Variants in NALCN observed in about 807,000 individuals in gnomAD.
The protein encoded by NALCN is sodium leak channel NALCN.
In NALCN, 111 loss-of-function variants were observed where a neutral mutation model predicts 225.3. The observed-to-expected ratio is 0.49, with a 90% confidence interval of 0.42 to 0.58. The LOEUF (loss-of-function observed/expected upper bound fraction) is 0.58, where lower values mean the gene tolerates loss of function less well. NALCN is among the 20% of genes least tolerant of loss of function. The probability of loss-of-function intolerance (pLI) is 0.00; values close to 1 mark genes in which losing one functional copy is unlikely to be tolerated. For synonymous variants in NALCN, 764 were observed against 769.0 expected (o/e 0.99, Z 0.11); for missense variants, 1,378 against 2,202.4 (o/e 0.63, Z 7.49).
At chr13:101,349,187 A>G (rs2045834118) in intron 6 of NALCN, among the ~76,000 whole-genome samples, 1 of 152,182 alleles carries the variant, frequency 6.6e-6, no homozygotes, top group Non-Finnish European at 1.5e-5. Context: ...TGAATAAAGT[A>G]TCTACTTGTA....
rs973573091 is a variant in NALCN, at chr13:101,287,568, C to T, written c.1048-3549G>A. ...GTATTATTATGAAAATTAAATAAGA[C>T]AGTTTGTAAAGCCATTAGACTAGTG... On this transcript the variant is annotated intron_variant, in intron 9 of 43. Coordinates refer to ENST00000251127, the MANE Select transcript of NALCN (RefSeq NM_052867.4). Among the ~76,000 whole-genome samples, 6 of 152,138 alleles carry T rather than the reference C, an allele frequency of 3.9e-5. No homozygotes were observed. The East Asian group carries it at 1.2e-3, about 29-fold the overall frequency.
intron 11 of NALCN, among the ~76,000 whole-genome samples, chr13:101,249,887 A>T (rs774029523): frequency 3.0e-4 from 46 of 152,136 alleles, no homozygotes; most frequent in Non-Finnish European, 5.9e-4. Context: ...AGAGACCCAC[A>T]CCCGGATAAT....
intron 6 of NALCN, among the ~76,000 whole-genome samples, chr13:101,345,755 T>TATATAA (rs2045703450): frequency 1.5e-5 from 2 of 129,764 alleles, no homozygotes; most frequent in African/African-American, 6.5e-5. Flanking sequence ...TATATATATA[T>TATATAA]ATATATATAT....
intron 6 of NALCN, among the ~76,000 whole-genome samples, chr13:101,360,262 A>T (rs1279165457): frequency 8.9e-6 from 1 of 112,904 alleles, no homozygotes; most frequent in Non-Finnish European, 1.7e-5. Flanking sequence ...ATGGAGTTTC[A>T]CTCTGTGACC....
chr13:101,278,702 A>C (rs916867807), intron 10 of NALCN, among the ~76,000 whole-genome samples: 1 of 152,156 alleles, frequency 6.6e-6, no homozygotes, highest in Non-Finnish European at 1.5e-5. Flanking sequence ...CTCTGCCACC[A>C]CATATTAGAG....
chr13:101,116,516 C>T (rs758427490), intron 18 of NALCN: 6 of 516,820 alleles, frequency 1.2e-5, no homozygotes, highest in South Asian at 4.2e-5. Flanking sequence ...CAGGGGGTCC[C>T]CGGTTCTTTT....
chr13:101,196,510 TTTCTAATACAGGGGCAGAGAATTATTCC>T (rs2039895799), intron 13 of NALCN, among the ~76,000 whole-genome samples: 1 of 152,198 alleles, frequency 6.6e-6, no homozygotes. Context: ...TCTTTCATTC[TTTCTAATACAGGGGCAGAGAATTATTCC>T]AGATATCTCA....
chr13:101,249,592 TAGTTTCAGTATCA>T (rs2042001929), intron 11 of NALCN, among the ~76,000 whole-genome samples: 1 of 152,180 alleles, frequency 6.6e-6, no homozygotes, highest in Non-Finnish European at 1.5e-5. Flanking sequence ...GAATCTAAAA[TAGTTTCAGTATCA>T]AAATATCTAT....
At chr13:101,345,118 T>C (rs1594714322) in intron 7 of NALCN, 148 bp downstream of exon 7, 1 of 810,918 alleles carries the variant, frequency 1.2e-6, no homozygotes, top group Non-Finnish European at 1.8e-6. Context: ...GAATATATTA[T>C]AAAATAGGCA....
intron 2 of NALCN, among the ~76,000 whole-genome samples, chr13:101,398,171 T>C (rs1224087745): frequency 6.6e-6 from 1 of 152,146 alleles, no homozygotes; most frequent in Admixed American, 6.5e-5. Flanking sequence ...TCCATGATTA[T>C]AAAGCAGAAG....
At chr13:101,401,430 A>G (rs2139517616) in intron 1 of NALCN, among the ~76,000 whole-genome samples, 1 of 152,338 alleles carries the variant, frequency 6.6e-6, no homozygotes, top group Non-Finnish European at 1.5e-5. Flanking sequence ...AAGATGACAC[A>G]TACAAAGGAG....
At position 101,137,797 on chromosome 13, in the gene NALCN, C is replaced by G. The variant is rs577151398; in HGVS notation, c.2118+5283G>C. On this transcript the variant is annotated intron_variant, in intron 17 of 43. Transcript: ENST00000251127. ...GTTTGCTGAGTCTGACTTCATGGTA[C>G]AGTTTAGTAACAGTAACCTTTCTTG... is the stretch of plus-strand genomic sequence containing the variant. 3.3e-5 allele frequency among the ~76,000 whole-genome samples: 5 copies of G among 152,268 alleles called. No individual in the cohort carries two copies. The South Asian group carries it at 6.2e-4, about 19-fold the overall frequency.
rs1042373221 is a variant in NALCN, at chr13:101,268,187, T to C, written c.1135-9613A>G. ...CATGTATGACATGTATGTATGTATA[T>C]GCCATCTCTGACTGCAGTGGGAGTG... On this transcript the variant is annotated intron_variant, in intron 10 of 43. Coordinates refer to ENST00000251127, the MANE Select transcript of NALCN (RefSeq NM_052867.4). 3.3e-5 allele frequency among the ~76,000 whole-genome samples: 5 copies of C among 152,346 alleles called. No individual in the cohort carries two copies. The East Asian group carries it at 9.6e-4, about 29-fold the overall frequency.
chr13:101,198,251 AC>A (rs1321454942), intron 13 of NALCN, among the ~76,000 whole-genome samples: 1 of 152,212 alleles, frequency 6.6e-6, no homozygotes, highest in Non-Finnish European at 1.5e-5. Flanking sequence ...CATGTCTAAA[AC>A]ACCAAAAGGA....
Position 101,104,690 on chromosome 13 carries a change from C to T in NALCN, c.2637-40G>A, listed in dbSNP as rs1381933401. 1.9e-6 allele frequency: 3 copies of T among 1,611,652 alleles called. No individual in the cohort carries two copies. The highest frequency in any genetic ancestry group is 3.3e-5 in the Admixed American group (2 of 59,816). On this transcript the variant is annotated intron_variant, in intron 23 of 43. Transcript: ENST00000251127. The surrounding 1 kb of genome is among the most constrained non-coding windows in gnomAD (Gnocchi z 4.2). ...ACAAAATTGAGAAACATAAAGGTTC[C>T]AGGAAAGGCTTCTAAGAGTTAGAGA...
At chr13:101,115,029 CAATA>C (rs1224165837) in intron 18 of NALCN, among the ~76,000 whole-genome samples, 2 of 152,028 alleles carry the variant, frequency 1.3e-5, no homozygotes, top group Non-Finnish European at 2.9e-5. Flanking sequence ...AGTAGGTGCT[CAATA>C]AATATTTGTG....
At chr13:101,268,292 A>T in intron 10 of NALCN, among the ~76,000 whole-genome samples, 1 of 152,120 alleles carries the variant, frequency 6.6e-6, no homozygotes, top group East Asian at 1.9e-4. Flanking sequence ...CATGTTGGTG[A>T]CTTGAAATTG....
Position 101,067,935 on chromosome 13 carries a change from C to T in NALCN, c.4429G>A (p.Val1477Met), listed in dbSNP as rs2032555074. The T allele has an allele frequency of 6.2e-7, 1 of 1,611,606 alleles. No individual in the cohort carries two copies. Among genetic ancestry groups the T allele is most frequent in the Admixed American group, 1.7e-5 (1 of 59,860 alleles). Residue 1477 changes from valine (V) to methionine (M), a missense_variant, in exon 39 of 44, where the codon GTG (valine) becomes ATG (methionine). This residue lies in a region of NALCN where 16 missense variants were observed against 66.7 expected (regional missense o/e 0.24). Transcript: ENST00000251127. ...LRHFQIIWNM[V>M]DDKREGVIPT... ...TCCCATACCTCTCTTTTATCATCCA[C>T]CATGTTCCATATTATTTGAAAGTGG...
intron 33 of NALCN, 52 bp downstream of exon 33, chr13:101,082,757 A>G (rs2033723623): frequency 3.8e-6 from 6 of 1,579,104 alleles, no homozygotes; most frequent in Non-Finnish European, 5.2e-6. Context: ...AGGCTGATTT[A>G]CTTTAAAACT....
Sources: allele counts gnomAD v4.1 joint callset (sites outside exome capture counted in the v4.1 genomes callset), GRCh38; gene constraint gnomAD v4.1.1; regional missense constraint gnomAD v4.1.1; non-coding constraint Gnocchi (gnomAD v3.1); transcripts MANE v1.5; gene names NCBI Gene and HGNC (gene_info 2026-07-23, HGNC 2026-07-21).